FHIT: variants seen among roughly 807,000 people sequenced by gnomAD.
FHIT encodes the protein bis(5'-adenosyl)-triphosphatase.
FHIT carries 19 observed loss-of-function variants against 17.9 expected under a neutral mutation model. The observed-to-expected ratio is 1.06, with a 90% CI of 0.74 to 1.56. The LOEUF (loss-of-function observed/expected upper bound fraction) is 1.56, where lower values mean the gene tolerates loss of function less well. Among genes scored for constraint, FHIT ranks in the 40% most tolerant of loss-of-function variants. FHIT has a pLI of 0.00. For missense variants in FHIT, 248 were observed against 189.2 expected, an observed-to-expected ratio of 1.31 and a Z score of -1.82; for synonymous variants, 81 against 69.7, an observed-to-expected ratio of 1.16 and a Z score of -0.81.
intron 3 of FHIT, among the ~76,000 whole-genome samples, chr3:60,971,502 C>G (rs1299439239): frequency 2.0e-5 from 3 of 150,788 alleles, no homozygotes; most frequent in Non-Finnish European, 4.4e-5. Flanking sequence ...CTTAATTTAA[C>G]CTATTGATTC....
At chr3:60,601,892 C>T (rs1267664724) in intron 4 of FHIT, among the ~76,000 whole-genome samples, 1 of 151,324 alleles carries the variant, frequency 6.6e-6, no homozygotes, top group Non-Finnish European at 1.5e-5. Context: ...ATATTACATA[C>T]CAATAAAAAC....
intron 8 of FHIT, among the ~76,000 whole-genome samples, chr3:59,919,515 CAATT>C (rs1406335311): frequency 6.6e-6 from 1 of 152,146 alleles, no homozygotes; most frequent in African/African-American, 2.4e-5. Context: ...TTCCCACCAT[CAATT>C]AGTCTCCAAA....
In FHIT at chr3:61,041,681, A is replaced by G. The variant is rs370097046; in HGVS notation, c.-111+366T>C. Among the ~76,000 whole-genome samples the G allele has an allele frequency of 7.3e-5, 11 of 150,586 alleles. No homozygotes were observed. The South Asian group carries it at 2.3e-3, about 32-fold the overall frequency. On this transcript the variant is annotated intron_variant, in intron 3 of 9. Coordinates refer to ENST00000492590, the MANE Select transcript of FHIT (RefSeq NM_002012.4). Reference sequence around the variant, plus strand: ...TATGATTCCACAATTTAAAAAATAAAGCAAAAAAAAAAAAAATCCGCTCAA... The same window carrying G: ...TATGATTCCACAATTTAAAAAATAAGGCAAAAAAAAAAAAAATCCGCTCAA...
At chr3:60,643,970 C>T (rs1405495606) in intron 4 of FHIT, among the ~76,000 whole-genome samples, 1 of 152,154 alleles carries the variant, frequency 6.6e-6, no homozygotes, top group Non-Finnish European at 1.5e-5. Context: ...TGTGCTGTTA[C>T]CAAATATGTT....
At chr3:59,939,178 T>A (rs950922864) in intron 7 of FHIT, among the ~76,000 whole-genome samples, 1 of 152,232 alleles carries the variant, frequency 6.6e-6, no homozygotes, top group Admixed American at 6.5e-5. Context: ...AGAAATTACA[T>A]GAAAAATTGA....
rs572383552 is a variant in FHIT at position 59,974,383 on chromosome 3, G to T, written c.279+36988C>A. Among the ~76,000 whole-genome samples the T allele has an allele frequency of 2.4e-4, 37 of 152,302 alleles. 2 individuals are homozygous for T. In the South Asian group the frequency reaches 6.4e-3, roughly 26 times the overall value. ...ACACTGCTTCTAAATGTGTTGGTTA[G>T]ATGCTTCATTTCTACAATTAAACAC... On this transcript the variant is annotated intron_variant, in intron 7 of 9. Coordinates refer to ENST00000492590, the MANE Select transcript of FHIT (RefSeq NM_002012.4).
chr3:60,840,113 C>T (rs539879730), intron 3 of FHIT, among the ~76,000 whole-genome samples: 127 of 152,004 alleles, frequency 8.4e-4, no homozygotes, highest in African/African-American at 3.0e-3. Flanking sequence ...AAAGAAATGA[C>T]ACATTTTTAA....
At chr3:59,892,305 T>G (rs1441683984) in intron 8 of FHIT, among the ~76,000 whole-genome samples, 1 of 152,222 alleles carries the variant, frequency 6.6e-6, no homozygotes, top group African/African-American at 2.4e-5. Flanking sequence ...AGCACCACTT[T>G]GCCACAATGG....
Position 60,633,362 on chromosome 3 carries a change from CAAAT to C in FHIT, c.-17-96387_-17-96384del, listed in dbSNP as rs373164084. Among the ~76,000 whole-genome samples, 400 of 152,218 alleles carry C rather than the reference CAAAT, an allele frequency of 2.6e-3. 4 individuals are homozygous for C. Among genetic ancestry groups the C allele is most frequent in the African/African-American group, 8.9e-3 (370 of 41,540 alleles). On this transcript the variant is annotated intron_variant, in intron 4 of 9. Coordinates refer to ENST00000492590, the MANE Select transcript of FHIT (RefSeq NM_002012.4). ...TCCACAACTACTGCAAAAGCTAAAT[CAAAT>C]AATATGTGTAAAGCTGTTAGTACAA...
At chr3:60,334,888 T>C (rs1472625897) in intron 5 of FHIT, among the ~76,000 whole-genome samples, 2 of 152,340 alleles carry the variant, frequency 1.3e-5, no homozygotes, top group East Asian at 3.9e-4. Flanking sequence ...TTTTTCTACC[T>C]GCATTCAAGA....
chr3:60,278,474 C>T (rs1328528459), intron 5 of FHIT, among the ~76,000 whole-genome samples: 2 of 152,124 alleles, frequency 1.3e-5, no homozygotes, highest in Admixed American at 1.3e-4. Flanking sequence ...ACTAAGAAAA[C>T]TGAGATGTAA....
At chr3:60,144,974 C>T (rs1576195789) in intron 5 of FHIT, among the ~76,000 whole-genome samples, 1 of 152,212 alleles carries the variant, frequency 6.6e-6, no homozygotes. Context: ...ACTATGAACA[C>T]CTCCCAAATG....
chr3:60,518,191 T>G (rs2035230388), intron 5 of FHIT, among the ~76,000 whole-genome samples: 2 of 152,140 alleles, frequency 1.3e-5, no homozygotes, highest in Non-Finnish European at 2.9e-5. Context: ...TAATAACATC[T>G]TAAAGAAACT....
intron 5 of FHIT, among the ~76,000 whole-genome samples, chr3:60,110,603 C>A (rs113541362): frequency 6.6e-6 from 1 of 152,158 alleles, no homozygotes; most frequent in Non-Finnish European, 1.5e-5. Flanking sequence ...AGTTACATCA[C>A]CTCCGAGCCT....
chr3:60,477,934 T>G (rs1463519715), intron 5 of FHIT, among the ~76,000 whole-genome samples: 1 of 152,154 alleles, frequency 6.6e-6, no homozygotes. Flanking sequence ...TGAGTTCTGC[T>G]TGCTCACCCC....
At chr3:60,346,268 C>T (rs186419398) in intron 5 of FHIT, among the ~76,000 whole-genome samples, 167 of 152,302 alleles carry the variant, frequency 1.1e-3, no homozygotes, top group Non-Finnish European at 1.8e-3. Context: ...GCTTTTGCTA[C>T]CTATAAGAGT....
chr3:61,211,298 C>G (rs1001744077), intron 1 of FHIT, among the ~76,000 whole-genome samples: 1 of 131,866 alleles, frequency 7.6e-6, no homozygotes, highest in African/African-American at 2.8e-5. Flanking sequence ...GTCACTCCCA[C>G]CCTAATACTG....
intron 8 of FHIT, among the ~76,000 whole-genome samples, chr3:59,778,542 G>T (rs59219532): frequency 0.038 from 5,724 of 152,230 alleles, 152 homozygotes; most frequent in South Asian, 0.09. Flanking sequence ...AGGCCATATG[G>T]TCTCTGCCAC....
At chr3:61,186,098 T>A (rs2038499809) in intron 2 of FHIT, among the ~76,000 whole-genome samples, 1 of 152,190 alleles carries the variant, frequency 6.6e-6, no homozygotes, top group Non-Finnish European at 1.5e-5. Context: ...CATCACTACT[T>A]CTTAAGCATC....
Sources: gnomAD v4.1 joint callset for allele counts (sites outside exome capture counted in the v4.1 genomes callset) on GRCh38, gnomAD v4.1.1 for gene constraint, MANE v1.5 for transcripts, NCBI Gene and HGNC (gene_info 2026-07-23, HGNC 2026-07-21) for gene names.